HERC1: variants seen among roughly 807,000 people sequenced by gnomAD.
The protein encoded by HERC1 is HECT and RLD domain containing E3 ubiquitin protein ligase family member 1.
Under a neutral mutation model 554.3 loss-of-function variants are expected in HERC1, and 160 were observed. The observed-to-expected ratio is 0.29, with a 90% CI of 0.25 to 0.33. The LOEUF (loss-of-function observed/expected upper bound fraction) is 0.33, where lower values mean the gene tolerates loss of function less well. Ranked by LOEUF, HERC1 falls within the 10% of genes least tolerant of loss-of-function variation. The pLI, the probability that HERC1 is intolerant of heterozygous loss-of-function variation, is 1.00. For synonymous variants in HERC1, 2,175 were observed against 2,131.7 expected (o/e 1.02, Z -0.56); for missense variants, 4,919 against 5,918.5 (o/e 0.83, Z 5.54).
chr15:63,680,195 A>T lies in HERC1; in HGVS notation c.6466-35T>A. The T allele has an allele frequency of 6.5e-7, 1 of 1,542,126 alleles. No individual in the cohort carries two copies. The highest frequency in any genetic ancestry group is 1.2e-5 in the South Asian group (1 of 86,694). Reference sequence around the variant, plus strand: ...GGCAGCAGTGAGGAAAAGAAAAAGGAAATAGAAATTTTTTTAATTCACAAT... The same window carrying T: ...GGCAGCAGTGAGGAAAAGAAAAAGGTAATAGAAATTTTTTTAATTCACAAT... On this transcript the variant is annotated intron_variant, in intron 35 of 77. Transcript: ENST00000443617. The surrounding 1 kb of genome is among the most constrained non-coding windows in gnomAD (Gnocchi z 5.8).
intron 8 of HERC1, among the ~76,000 whole-genome samples, chr15:63,751,781 T>C (rs1273884526): frequency 1.3e-5 from 2 of 152,196 alleles, no homozygotes; most frequent in South Asian, 2.1e-4. Flanking sequence ...AATACAACTA[T>C]TCTATACAGC....
intron 33 of HERC1, 139 bp from the exon 34 acceptor site, chr15:63,686,674 A>T (rs2071780928): frequency 1.5e-6 from 1 of 669,572 alleles, no homozygotes; most frequent in Non-Finnish European, 2.5e-6. Flanking sequence ...GGCAACAGGA[A>T]CACAATGATA....
At chr15:63,739,799 C>T (rs1175405219) in intron 12 of HERC1, among the ~76,000 whole-genome samples, 1 of 152,152 alleles carries the variant, frequency 6.6e-6, no homozygotes, top group African/African-American at 2.4e-5. Context: ...GATCGAGCCA[C>T]TGCACTCCAG....
At position 63,749,447 on chromosome 15, in the gene HERC1, A is replaced by G. The variant is rs1220806885; in HGVS notation, c.2139T>C (p.Ser713=). 5 of 1,613,680 alleles carry G rather than the reference A, an allele frequency of 3.1e-6. No homozygotes were observed. The highest frequency in any genetic ancestry group is 4.2e-6 in the Non-Finnish European group (5 of 1,179,792). ...TGPITKPKKV[S]GLDGIAIQQI... ...GCTGAATAGCTATGCCATCTAAGCC[A>G]CTCACTTTCTTTGGTTTAGTAATAG... The change falls in exon 10 of 78, where the codon AGT becomes AGC. Residue 713 remains serine, a synonymous_variant. Transcript: ENST00000443617. This position sits in a 1 kb window ranked among gnomAD's most constrained non-coding sequence, Gnocchi z 4.1.
At chr15:63,766,720 C>G (rs1472681775) in intron 2 of HERC1, among the ~76,000 whole-genome samples, 1 of 152,206 alleles carries the variant, frequency 6.6e-6, no homozygotes, top group Non-Finnish European at 1.5e-5. Flanking sequence ...TCTTGTTGCC[C>G]AGGCTGGAGT....
chr15:63,752,791 G>A lies in HERC1; in HGVS notation c.1902+167C>T, dbSNP rs140832415. On this transcript the variant is annotated intron_variant, in intron 8 of 77. Coordinates refer to ENST00000443617, the MANE Select transcript of HERC1 (RefSeq NM_003922.4). ...TCACATATGCCAGGTTAGAAAACCT[G>A]GTTCCTTCTCAGATACTCTACTTCA... 3.4e-5 allele frequency: 20 copies of A among 591,458 alleles called. No homozygotes were observed. In the East Asian group the frequency reaches 5.8e-4, roughly 17 times the overall value. The allele number at this position is 591,458 out of a possible 1,614,324, so 36.6% of individuals were successfully genotyped here.
intron 2 of HERC1, among the ~76,000 whole-genome samples, chr15:63,766,656 C>T (rs571660915): frequency 6.6e-6 from 1 of 152,318 alleles, no homozygotes; most frequent in African/African-American, 2.4e-5. Flanking sequence ...TTTCGTAATA[C>T]ATTAAAGGTT....
intron 3 of HERC1, among the ~76,000 whole-genome samples, chr15:63,763,520 T>C (rs1161492160): frequency 2.7e-5 from 4 of 150,414 alleles, no homozygotes; most frequent in East Asian, 1.9e-4. Context: ...AACAAACATA[T>C]TGAAGGAAAA....
rs556337937 is a variant in HERC1, at chr15:63,746,378, T to G, written c.2520+540A>C. Among the ~76,000 whole-genome samples the G allele has an allele frequency of 4.6e-5, 7 of 152,322 alleles. No individual in the cohort carries two copies. In the South Asian group the frequency reaches 1.4e-3, roughly 32 times the overall value. On this transcript the variant is annotated intron_variant, in intron 12 of 77. Coordinates refer to ENST00000443617, the MANE Select transcript of HERC1 (RefSeq NM_003922.4). Reference sequence around the variant, plus strand: ...TTTTCTGTATTTTGTATTACAAATATATAGATATTTTTAAGTTTCCCCCAA... The same window carrying G: ...TTTTCTGTATTTTGTATTACAAATAGATAGATATTTTTAAGTTTCCCCCAA...
At chr15:63,681,797 C>A (rs950448090) in intron 34 of HERC1, among the ~76,000 whole-genome samples, 6 of 152,198 alleles carry the variant, frequency 3.9e-5, no homozygotes, top group South Asian at 2.1e-4. Flanking sequence ...ACATCACACA[C>A]ATGTTATTTT....
chr15:63,683,135 CAAAAAAAAA>C (rs1336396917), intron 34 of HERC1, among the ~76,000 whole-genome samples: 12 of 77,720 alleles, frequency 1.5e-4, no homozygotes, highest in Admixed American at 1.2e-3. Flanking sequence ...CACTCTGTCT[CAAAAAAAAA>C]AAAAAAAAAA....
intron 14 of HERC1, among the ~76,000 whole-genome samples, chr15:63,730,614 A>G (rs1385002675): frequency 6.6e-6 from 1 of 152,252 alleles, no homozygotes; most frequent in Non-Finnish European, 1.5e-5. Flanking sequence ...TATATTAAAT[A>G]ACAGTTCTGT....
chr15:63,779,767 G>A (rs534515584), intron 1 of HERC1: 1 of 152,114 alleles, frequency 6.6e-6, no homozygotes, highest in Admixed American at 6.6e-5. Context: ...TGTAATCCCA[G>A]CACTTTTGGA....
At chr15:63,681,073 AT>A in intron 34 of HERC1, among the ~76,000 whole-genome samples, 1 of 152,244 alleles carries the variant, frequency 6.6e-6, no homozygotes, top group East Asian at 1.9e-4. Flanking sequence ...TAGTCCAGAA[AT>A]TAATGAAAAC....
chr15:63,727,848 G>C lies in HERC1; in HGVS notation c.3155-10C>G. ...GAGACGTATATCACATCTATGAAGG[G>C]CAAGAAATTAAACATGGGACAATTG... On this transcript the variant is annotated splice_polypyrimidine_tract_variant and intron_variant, in intron 16 of 77. Coordinates refer to ENST00000443617, the MANE Select transcript of HERC1 (RefSeq NM_003922.4). This position sits in a 1 kb window ranked among gnomAD's most constrained non-coding sequence, Gnocchi z 4.3. 6.2e-7 allele frequency: 1 copy of C among 1,603,542 alleles called. No homozygotes were observed. Among genetic ancestry groups the C allele is most frequent in the South Asian group, 1.1e-5 (1 of 90,356 alleles).
chr15:63,643,664 A>G, intron 57 of HERC1, 114 bp from the exon 58 acceptor site: 1 of 698,444 alleles, frequency 1.4e-6, no homozygotes. Flanking sequence ...CAAGGGGGAG[A>G]GATAATTTCT....
chr15:63,674,140 A>T (rs948988475), intron 38 of HERC1, among the ~76,000 whole-genome samples: 7 of 152,184 alleles, frequency 4.6e-5, no homozygotes, highest in African/African-American at 7.2e-5. Context: ...GGTTTAAAAT[A>T]GCAAAATTAT....
chr15:63,633,799 T>A, intron 67 of HERC1, 49 bp downstream of exon 67: 2 of 1,579,702 alleles, frequency 1.3e-6, no homozygotes, highest in Non-Finnish European at 1.7e-6. Flanking sequence ...CTGACATAGA[T>A]GAAAACTATT....
chr15:63,725,474 G>A lies in HERC1; in HGVS notation c.3386C>T (p.Pro1129Leu), dbSNP rs367740632. Residue 1129 changes from proline to leucine, a missense_variant, in exon 18 of 78, where the codon CCT becomes CTT. Physicochemically the swap from Pro to Leu is moderately conservative, Grantham distance 98. Transcript: ENST00000443617. ...ELIDPAGLPL[P>L]QPAQSWVWLV... ...CCATACCCAGGACTGAGCTGGCTGA[G>A]GTAATGGCAGACCAGCAGGATCAAT... is the stretch of plus-strand genomic sequence containing the variant. The A allele has an allele frequency of 6.2e-7, 1 of 1,613,882 alleles. No individual in the cohort carries two copies. The highest frequency in any genetic ancestry group is 8.5e-7 in the Non-Finnish European group (1 of 1,179,858).
Sources: allele counts gnomAD v4.1 joint callset (sites outside exome capture counted in the v4.1 genomes callset), GRCh38; gene constraint gnomAD v4.1.1; non-coding constraint Gnocchi (gnomAD v3.1); transcripts MANE v1.5; gene names NCBI Gene and HGNC (gene_info 2026-07-23, HGNC 2026-07-21).